Variants in PSMC6 observed in about 807,000 individuals in gnomAD.
PSMC6 encodes the protein proteasome 26S subunit, ATPase 6, also known as 26S proteasome regulatory subunit 10B.
PSMC6 carries 3 observed loss-of-function variants against 55.9 expected under a neutral mutation model. The ratio of observed to expected loss-of-function variants is 0.05; its 90% confidence interval spans 0.02 to 0.14. The LOEUF (loss-of-function observed/expected upper bound fraction) is 0.14, where lower values mean the gene tolerates loss of function less well. PSMC6 is among the 10% of genes least tolerant of loss of function. The pLI, the probability that PSMC6 is intolerant of heterozygous loss-of-function variation, is 1.00. For synonymous variants in PSMC6, 137 were observed against 155.9 expected (o/e 0.88, Z 0.90); for missense variants, 210 against 478.7 (o/e 0.44, Z 5.24).
intron 10 of PSMC6, 87 bp from the exon 11 acceptor site, chr14:52,720,774 A>G (rs2041882473): frequency 1.9e-6 from 2 of 1,062,970 alleles, no homozygotes; most frequent in African/African-American, 1.6e-5. Flanking sequence ...TAGACAATAC[A>G]TTTCATGGCA....
In PSMC6 at chr14:52,707,234, A is replaced by C; in HGVS notation, c.15A>C (p.Arg5Ser). 6.2e-7 allele frequency: 1 copy of C among 1,613,864 alleles called. No individual in the cohort carries two copies. The highest frequency in any genetic ancestry group is 8.5e-7 in the Non-Finnish European group (1 of 1,179,934). The change falls in exon 1 of 14, where the codon AGA becomes AGC. Residue 5 changes from arginine (R) to serine (S), a missense_variant. Physicochemically the swap from Arg to Ser is moderately radical, Grantham distance 110. Around this residue, in one of 4 missense-constraint regions of PSMC6, gnomAD observed 26 missense variants for 16.9 expected, o/e 1.54. Coordinates refer to ENST00000445930, the MANE Select transcript of PSMC6 (RefSeq NM_002806.5). The stretch of plus-strand genomic sequence containing the variant: ...GGCTTCTCATCATGGCGGACCCTAG[A>C]GATAAGGCGCTTCAGGACTACCGCA... MADPRDKALQDYRKK... is the reference protein window; with the variant it reads MADPSDKALQDYRKK...
In PSMC6 at chr14:52,710,421, T is replaced by C. The variant is rs1053013085; in HGVS notation, c.259-680T>C. 4 of 151,784 alleles carry C rather than the reference T, an allele frequency of 2.6e-5. 1 individual carries two copies. Among genetic ancestry groups the C allele is most frequent in the African/African-American group, 9.7e-5 (4 of 41,222 alleles). 9.4% of individuals were successfully genotyped at this position (151,784 alleles called of 1,614,324 possible). On this transcript the variant is annotated intron_variant, in intron 4 of 13. Transcript: ENST00000445930. ...TCCAGCCTGGGCGACAGAGTGAGACTCCGTACTCCATCTCAAAAAAAAAAG... is the reference window on the plus strand; with the variant it reads ...TCCAGCCTGGGCGACAGAGTGAGACCCCGTACTCCATCTCAAAAAAAAAAG...
At chr14:52,719,072 C>T (rs2041861415) in intron 10 of PSMC6, 34 bp downstream of exon 10, 1 of 1,508,760 alleles carries the variant, frequency 6.6e-7, no homozygotes, top group South Asian at 1.1e-5. Flanking sequence ...ATAAAGAAAC[C>T]AATGTTTATT....
At chr14:52,716,134 A>C (rs1472666599) in intron 7 of PSMC6, among the ~76,000 whole-genome samples, 1 of 152,248 alleles carries the variant, frequency 6.6e-6, no homozygotes. Flanking sequence ...ATTTTAATGT[A>C]ACAGAAGTTT....
intron 13 of PSMC6, 57 bp downstream of exon 13, chr14:52,724,093 CTGTTT>C: frequency 6.6e-7 from 1 of 1,507,600 alleles, no homozygotes; most frequent in South Asian, 1.1e-5. Context: ...TTTGCTGAAA[CTGTTT>C]TGAGTTTATC....
chr14:52,716,671 T>C (rs536844880), intron 7 of PSMC6, among the ~76,000 whole-genome samples: 1 of 152,126 alleles, frequency 6.6e-6, no homozygotes, highest in South Asian at 2.1e-4. Flanking sequence ...GAGAATCACT[T>C]GAACCTGGGA....
chr14:52,714,217 G>A (rs2041805532), intron 7 of PSMC6, among the ~76,000 whole-genome samples: 1 of 151,954 alleles, frequency 6.6e-6, no homozygotes, highest in South Asian at 2.1e-4. Context: ...ATTTTTGTAT[G>A]TTTTGTAGAG....
intron 7 of PSMC6, 44 bp downstream of exon 7, chr14:52,714,012 T>A (rs373883308): frequency 6.8e-6 from 8 of 1,173,942 alleles, no homozygotes; most frequent in Non-Finnish European, 8.6e-6. Flanking sequence ...GATAAATGAA[T>A]TAAGGAATTA....
Position 52,725,426 on chromosome 14 carries a change from G to C in PSMC6, c.1051+1390G>C, listed in dbSNP as rs1286940159. 2.6e-5 allele frequency among the ~76,000 whole-genome samples: 4 copies of C among 152,100 alleles called. 1 individual carries two copies. Among genetic ancestry groups the C allele is most frequent in the Non-Finnish European group, 5.9e-5 (4 of 68,012 alleles). ...TTTTATCTTCTTTTTAGACTTGAAG[G>C]CTTTTTTGTTAACATTTTTCGTAAG... On this transcript the variant is annotated intron_variant, in intron 13 of 13. Transcript: ENST00000445930.
At chr14:52,724,141 G>C in intron 13 of PSMC6, 105 bp downstream of exon 13, 1 of 1,037,678 alleles carries the variant, frequency 9.6e-7, no homozygotes, top group Admixed American at 2.4e-5. Flanking sequence ...CAAGGATTTG[G>C]GTTCATGCTG....
intron 12 of PSMC6, chr14:52,723,537 A>G (rs1471590121): frequency 1.3e-5 from 2 of 157,192 alleles, no homozygotes; most frequent in East Asian, 3.7e-4. Context: ...CAGTTTTGCT[A>G]TACTTTATAT....
At chr14:52,715,131 T>TA (rs11411181) in intron 7 of PSMC6, among the ~76,000 whole-genome samples, 92,361 of 146,568 alleles carry the variant, frequency 0.63, 28,799 homozygotes, top group Middle Eastern at 0.66. Context: ...ACTTGCAGTG[T>TA]AAAAAAAAAA....
intron 10 of PSMC6, 35 bp downstream of exon 10, chr14:52,719,073 A>G (rs536558690): frequency 6.7e-7 from 1 of 1,500,526 alleles, no homozygotes. Context: ...TAAAGAAACC[A>G]ATGTTTATTA....
At chr14:52,709,260 T>C (rs996802248) in intron 4 of PSMC6, among the ~76,000 whole-genome samples, 1 of 152,234 alleles carries the variant, frequency 6.6e-6, no homozygotes, top group Non-Finnish European at 1.5e-5. Flanking sequence ...TAATTCTAAA[T>C]TTTATTTTAC....
At chr14:52,727,166 G>A (rs1050067284) in intron 13 of PSMC6, among the ~76,000 whole-genome samples, 14 of 151,170 alleles carry the variant, frequency 9.3e-5, no homozygotes, top group Non-Finnish European at 1.9e-4. Context: ...GACTACAGGC[G>A]CGCGCCACCA....
At chr14:52,710,987 T>C in intron 4 of PSMC6, 114 bp from the exon 5 acceptor site, 3 of 848,778 alleles carry the variant, frequency 3.5e-6, no homozygotes, top group South Asian at 1.4e-5. Flanking sequence ...ATCTGATATT[T>C]GTGTTCTCTC....
intron 6 of PSMC6, among the ~76,000 whole-genome samples, chr14:52,713,593 G>A (rs2041798563): frequency 1.3e-5 from 2 of 152,218 alleles, no homozygotes; most frequent in South Asian, 4.1e-4. Flanking sequence ...ATTCTTAAGT[G>A]TACATTTCAA....
intron 10 of PSMC6, 108 bp from the exon 11 acceptor site, chr14:52,720,753 A>T: frequency 5.5e-5 from 46 of 835,802 alleles, no homozygotes; most frequent in Non-Finnish European, 8.0e-5. Context: ...AAGATAGAAC[A>T]TATCTATCTG....
intron 7 of PSMC6, among the ~76,000 whole-genome samples, chr14:52,715,226 G>A (rs1339890998): frequency 6.6e-5 from 10 of 152,036 alleles, no homozygotes; most frequent in Non-Finnish European, 1.0e-4. Flanking sequence ...AATATTTTGT[G>A]TTCTTCATGA....
Sources: gnomAD v4.1 joint callset for allele counts (sites outside exome capture counted in the v4.1 genomes callset) on GRCh38, gnomAD v4.1.1 for gene constraint, gnomAD v4.1.1 regional missense constraint, MANE v1.5 for transcripts, NCBI Gene and HGNC (gene_info 2026-07-23, HGNC 2026-07-21) for gene names.